Variants in DPP10 observed in about 807,000 individuals in gnomAD.
DPP10 encodes the protein dipeptidyl peptidase like 10.
Under a neutral mutation model 120.9 loss-of-function variants are expected in DPP10, and 33 were observed. The ratio of observed to expected loss-of-function variants is 0.27; its 90% CI spans 0.21 to 0.37. The LOEUF (loss-of-function observed/expected upper bound fraction) is 0.37, where lower values mean the gene tolerates loss of function less well. Ranked by LOEUF, DPP10 falls within the 10% of genes least tolerant of loss-of-function variation. The pLI is 1.00. For missense variants in DPP10, 816 were observed against 942.8 expected (o/e 0.87, Z 1.76); for synonymous variants, 337 against 326.1 (o/e 1.03, Z -0.36).
chr2:115,085,302 ATGTG>A (rs1002904745), intron 1 of DPP10, among the ~76,000 whole-genome samples: 9 of 151,996 alleles, frequency 5.9e-5, no homozygotes, highest in Admixed American at 5.9e-4. Context: ...ACCTCCACCA[ATGTG>A]TGTATGTGTA....
intron 1 of DPP10, among the ~76,000 whole-genome samples, chr2:114,546,106 C>A (rs1025448921): frequency 6.6e-6 from 1 of 152,104 alleles, no homozygotes; most frequent in Non-Finnish European, 1.5e-5. Context: ...CAGCATTCCC[C>A]CCTGTATCAG....
chr2:115,346,993 G>A (rs117604485), intron 3 of DPP10, among the ~76,000 whole-genome samples: 16 of 152,174 alleles, frequency 1.1e-4, no homozygotes, highest in African/African-American at 2.9e-4. Context: ...CATTGCTGTC[G>A]TAGGGTGGAA....
Position 114,474,247 on chromosome 2 carries a change from C to T in DPP10, c.60+31409C>T, listed in dbSNP as rs539278837. Among the ~76,000 whole-genome samples, 23 of 152,324 alleles carry T rather than the reference C, an allele frequency of 1.5e-4. No individual in the cohort carries two copies. The East Asian group carries it at 2.9e-3, about 19-fold the overall frequency. ...CTGGGACTGTAGGCATGAGCCATTG[C>T]GCCCAGCCGCTTTTGCTATTTGATA... is the stretch of plus-strand genomic sequence containing the variant. On this transcript the variant is annotated intron_variant, in intron 1 of 25. Transcript: ENST00000410059.
intron 17 of DPP10, among the ~76,000 whole-genome samples, chr2:115,784,127 C>T (rs531844039): frequency 6.6e-6 from 1 of 152,274 alleles, no homozygotes; most frequent in East Asian, 1.9e-4. Flanking sequence ...AAAAGCCAAT[C>T]ATGTTTGTCT....
chr2:114,598,817 G>A lies in DPP10; in HGVS notation c.60+155979G>A, dbSNP rs552598875. Among the ~76,000 whole-genome samples the A allele has an allele frequency of 2.6e-5, 4 of 151,926 alleles. No homozygotes were observed. In the South Asian group the frequency reaches 6.2e-4, roughly 24 times the overall value. ...GGTAGAAGGAAGTGCTGCAAAGTGG[G>A]AGACTCTTGAGGGAAATTTTTAAAT... is the stretch of plus-strand genomic sequence containing the variant. On this transcript the variant is annotated intron_variant, in intron 1 of 25. Transcript: ENST00000410059.
chr2:115,489,272 C>A (rs1252570173), intron 3 of DPP10, among the ~76,000 whole-genome samples: 1 of 151,402 alleles, frequency 6.6e-6, no homozygotes, highest in Non-Finnish European at 1.5e-5. Flanking sequence ...GCCAGATTAG[C>A]CCAATGCTGT....
intron 1 of DPP10, among the ~76,000 whole-genome samples, chr2:114,641,601 T>A (rs1695711177): frequency 6.6e-6 from 1 of 151,970 alleles, no homozygotes; most frequent in African/African-American, 2.4e-5. Context: ...TTTAACTGAT[T>A]TATAAGGATT....
intron 1 of DPP10, among the ~76,000 whole-genome samples, chr2:114,843,314 GT>G (rs1205240746): frequency 6.6e-6 from 1 of 152,060 alleles, no homozygotes; most frequent in Non-Finnish European, 1.5e-5. Flanking sequence ...TCTACCAGTG[GT>G]CCCCTGAAGA....
At chr2:115,719,701 T>A (rs1306018054) in intron 7 of DPP10, among the ~76,000 whole-genome samples, 2 of 152,202 alleles carry the variant, frequency 1.3e-5, no homozygotes, top group Non-Finnish European at 2.9e-5. Context: ...TTGATAAAAG[T>A]CTTTATGGTA....
intron 1 of DPP10, among the ~76,000 whole-genome samples, chr2:115,094,857 G>A (rs1405550775): frequency 6.6e-6 from 1 of 152,096 alleles, no homozygotes; most frequent in Non-Finnish European, 1.5e-5. Flanking sequence ...ATAAAATTAA[G>A]GATATTATGT....
chr2:115,572,201 A>C (rs2081374436), intron 5 of DPP10, among the ~76,000 whole-genome samples: 1 of 138,608 alleles, frequency 7.2e-6, no homozygotes, highest in African/African-American at 2.8e-5. Flanking sequence ...ACCATAACTT[A>C]AACACCCACA....
chr2:114,830,257 T>TA (rs1244243590), intron 1 of DPP10, among the ~76,000 whole-genome samples: 3 of 152,124 alleles, frequency 2.0e-5, no homozygotes, highest in East Asian at 1.9e-4. Flanking sequence ...GTACCCCCCT[T>TA]ACACTATCTC....
At chr2:114,524,989 C>T (rs964819759) in intron 1 of DPP10, among the ~76,000 whole-genome samples, 19 of 152,102 alleles carry the variant, frequency 1.2e-4, no homozygotes, top group Admixed American at 3.3e-4. Context: ...ATCTGAGGAA[C>T]GTAGAATTCA....
At chr2:115,096,476 A>C (rs544063724) in intron 1 of DPP10, among the ~76,000 whole-genome samples, 45 of 152,310 alleles carry the variant, frequency 3.0e-4, no homozygotes, top group Non-Finnish European at 5.3e-4. Context: ...GGAAGACAGT[A>C]GGTAGATTAG....
chr2:115,797,160 T>G (rs1575804049), intron 19 of DPP10, among the ~76,000 whole-genome samples: 1 of 152,210 alleles, frequency 6.6e-6, no homozygotes, highest in Admixed American at 6.6e-5. Flanking sequence ...AAGTATTGAT[T>G]ATACAAATCA....
chr2:115,486,489 T>C (rs2075786970), intron 3 of DPP10, among the ~76,000 whole-genome samples: 1 of 152,114 alleles, frequency 6.6e-6, no homozygotes, highest in Non-Finnish European at 1.5e-5. Context: ...TATAAACACA[T>C]CAATCTTTAT....
intron 1 of DPP10, among the ~76,000 whole-genome samples, chr2:115,055,111 G>T (rs1705800891): frequency 6.6e-6 from 1 of 151,910 alleles, no homozygotes; most frequent in Admixed American, 6.6e-5. Flanking sequence ...CCATGCTATT[G>T]GTCTACCTTG....
chr2:114,604,490 A>G (rs1250000205), intron 1 of DPP10, among the ~76,000 whole-genome samples: 6 of 152,162 alleles, frequency 3.9e-5, no homozygotes, highest in South Asian at 2.1e-4. Context: ...GTGTACAGAT[A>G]CCTTTAGGCA....
intron 1 of DPP10, among the ~76,000 whole-genome samples, chr2:114,601,162 A>G (rs1478921731): frequency 6.6e-6 from 1 of 151,888 alleles, no homozygotes; most frequent in East Asian, 1.9e-4. Flanking sequence ...TAGCTGATAC[A>G]TGCTTGGCAC....
Sources: gnomAD v4.1 joint callset for allele counts (sites outside exome capture counted in the v4.1 genomes callset) on GRCh38, gnomAD v4.1.1 for gene constraint, MANE v1.5 for transcripts, NCBI Gene and HGNC (gene_info 2026-07-23, HGNC 2026-07-21) for gene names.